DLG1: variants seen among roughly 807,000 people sequenced by gnomAD.
DLG1 encodes disks large homolog 1.
In DLG1, 42 loss-of-function variants were observed where a neutral mutation model predicts 123.4. That is an observed-to-expected ratio of 0.34 (90% confidence interval 0.27 to 0.44). DLG1 has a LOEUF of 0.44. Among genes scored for constraint, DLG1 ranks in the 20% least tolerant of loss-of-function variants. The pLI is 1.00. For synonymous variants in DLG1, 317 were observed against 356.2 expected, an observed-to-expected ratio of 0.89 and a Z score of 1.24; for missense variants, 942 against 1,082.6, an observed-to-expected ratio of 0.87 and a Z score of 1.82.
chr3:197,156,949 C>A (rs1796666324), intron 5 of DLG1, among the ~76,000 whole-genome samples: 1 of 152,152 alleles, frequency 6.6e-6, no homozygotes, highest in Non-Finnish European at 1.5e-5. Flanking sequence ...ACCAAAGAGA[C>A]ACAGAACTCT....
At chr3:197,297,982 C>T (rs1477670995) in intron 1 of DLG1, 4 of 959,378 alleles carry the variant, frequency 4.2e-6, no homozygotes, top group African/African-American at 3.5e-5. Context: ...CGGCCTCGTC[C>T]TCCTTCTCGG....
intron 3 of DLG1, among the ~76,000 whole-genome samples, chr3:197,291,480 CCAT>C (rs1217115580): frequency 1.3e-5 from 2 of 152,306 alleles, no homozygotes; most frequent in East Asian, 3.9e-4. Flanking sequence ...TGTGTGATTT[CCAT>C]CATCATAAAC....
intron 4 of DLG1, among the ~76,000 whole-genome samples, chr3:197,253,795 G>A (rs1029565045): frequency 2.0e-5 from 3 of 152,022 alleles, no homozygotes; most frequent in African/African-American, 7.2e-5. Flanking sequence ...TCAATATCCT[G>A]GTTAGTGATA....
intron 5 of DLG1, chr3:197,183,888 C>T: frequency 6.7e-7 from 1 of 1,485,356 alleles, no homozygotes; most frequent in Non-Finnish European, 9.0e-7. Flanking sequence ...GTAAAAACTG[C>T]AGCTACAATT....
intron 4 of DLG1, among the ~76,000 whole-genome samples, chr3:197,236,098 G>C (rs1745825019): frequency 6.6e-6 from 1 of 152,144 alleles, no homozygotes; most frequent in South Asian, 2.1e-4. Flanking sequence ...CAGACTGCTT[G>C]AGACCAGGAG....
At position 197,119,421 on chromosome 3, in the gene DLG1, A is replaced by G. The variant is rs757841097; in HGVS notation, c.1275T>C (p.Asp425=). 3.7e-6 allele frequency: 6 copies of G among 1,601,580 alleles called. No individual in the cohort carries two copies. In the South Asian group the frequency reaches 4.5e-5, roughly 12 times the overall value. The change falls in exon 12 of 25, where the codon GAT becomes GAC. Residue 425 remains aspartate, a synonymous_variant. Coordinates refer to ENST00000667157, the MANE Select transcript of DLG1 (RefSeq NM_001366207.1). The part of the protein sequence containing the change: ...SPVSKAVLGD[D]EITREPRKVV... ...GTTAACTTCCTTACCTTGTAATTTC[A>G]TCATCTCCAAGTACTGCTTTAGAAA...
chr3:197,143,479 ATCT>A (rs1789112325), intron 6 of DLG1, among the ~76,000 whole-genome samples: 1 of 151,978 alleles, frequency 6.6e-6, no homozygotes, highest in Non-Finnish European at 1.5e-5. Flanking sequence ...GATGGTCTCG[ATCT>A]TCTGACCTCG....
At chr3:197,058,936 T>C (rs1406317085) in intron 23 of DLG1, among the ~76,000 whole-genome samples, 1 of 152,192 alleles carries the variant, frequency 6.6e-6, no homozygotes, top group East Asian at 1.9e-4. Flanking sequence ...TCACTCTTTT[T>C]AGTTTTTTGA....
chr3:197,296,127 T>C (rs1264213638), intron 3 of DLG1, among the ~76,000 whole-genome samples: 2 of 152,252 alleles, frequency 1.3e-5, no homozygotes, highest in Non-Finnish European at 1.5e-5. Context: ...TGTGAAACAA[T>C]GTTCTCAAAA....
intron 4 of DLG1, among the ~76,000 whole-genome samples, chr3:197,220,417 G>A (rs1391408789): frequency 1.3e-5 from 2 of 151,930 alleles, no homozygotes; most frequent in African/African-American, 4.8e-5. Flanking sequence ...CATTCTTAAA[G>A]GAAGAAAAAT....
chr3:197,236,051 T>A (rs2150681994), intron 4 of DLG1, among the ~76,000 whole-genome samples: 1 of 152,276 alleles, frequency 6.6e-6, no homozygotes, highest in African/African-American at 2.4e-5. Flanking sequence ...TGGTGGCTCA[T>A]GCCTGTAATC....
chr3:197,142,324 C>G (rs981385040), intron 7 of DLG1, among the ~76,000 whole-genome samples: 7 of 151,944 alleles, frequency 4.6e-5, no homozygotes, highest in Non-Finnish European at 7.4e-5. Context: ...CCTGGATGGG[C>G]CTCTGAGAGA....
At chr3:197,286,989 C>G (rs1485640069) in intron 3 of DLG1, among the ~76,000 whole-genome samples, 1 of 151,876 alleles carries the variant, frequency 6.6e-6, no homozygotes, top group Non-Finnish European at 1.5e-5. Context: ...CCTCCTACCT[C>G]AGGCTCCCAA....
chr3:197,058,682 T>C (rs1435428249), intron 23 of DLG1, among the ~76,000 whole-genome samples: 1 of 152,252 alleles, frequency 6.6e-6, no homozygotes, highest in Admixed American at 6.5e-5. Context: ...TTGCAGATGA[T>C]GAGTGCAGTG....
chr3:197,161,679 G>C, intron 5 of DLG1: 1 of 1,575,616 alleles, frequency 6.3e-7, no homozygotes, highest in Non-Finnish European at 8.6e-7. Context: ...TCTCAGCAGG[G>C]ACTGGCAGGA....
chr3:197,105,767 A>G (rs1766006095), intron 13 of DLG1, among the ~76,000 whole-genome samples: 1 of 152,212 alleles, frequency 6.6e-6, no homozygotes, highest in Non-Finnish European at 1.5e-5. Flanking sequence ...CAATAAGACA[A>G]ACTTAAGAGG....
chr3:197,109,432 T>C lies in DLG1; in HGVS notation c.1444-4427A>G, dbSNP rs535387890. Among the ~76,000 whole-genome samples, 15 of 152,344 alleles carry C rather than the reference T, an allele frequency of 9.8e-5. No homozygotes were observed. In the South Asian group the frequency reaches 1.4e-3, roughly 15 times the overall value. ...TAGTTTCTTTACCCGCCTTGTGGTG[T>C]TGTCATATTAATTTTATGTTTATAC... On this transcript the variant is annotated intron_variant, in intron 13 of 24. Transcript: ENST00000667157.
intron 13 of DLG1, among the ~76,000 whole-genome samples, chr3:197,105,915 C>A (rs1235952878): frequency 1.1e-4 from 16 of 152,144 alleles, no homozygotes; most frequent in Non-Finnish European, 1.5e-5. Flanking sequence ...GATCATCATG[C>A]AATTTTTACA....
At chr3:197,172,557 A>G (rs1433198714) in intron 5 of DLG1, among the ~76,000 whole-genome samples, 7 of 152,174 alleles carry the variant, frequency 4.6e-5, no homozygotes, top group African/African-American at 1.4e-4. Flanking sequence ...TGAATGAATA[A>G]AACCATGCGA....
Sources: allele counts gnomAD v4.1 joint callset (sites outside exome capture counted in the v4.1 genomes callset), GRCh38; gene constraint gnomAD v4.1.1; transcripts MANE v1.5; gene names NCBI Gene and HGNC (gene_info 2026-07-23, HGNC 2026-07-21).